FARS2: variants seen among roughly 807,000 people sequenced by gnomAD.
FARS2 encodes the protein phenylalanyl-tRNA synthetase 2, mitochondrial, also known as phenylalanine--tRNA ligase, mitochondrial.
In FARS2, 40 loss-of-function variants were observed where a neutral mutation model predicts 46.4. That is an observed-to-expected ratio of 0.86 (90% confidence interval 0.67 to 1.12). The LOEUF (loss-of-function observed/expected upper bound fraction) is 1.12. Ranked by LOEUF, FARS2 falls within the 50% of genes most tolerant of loss-of-function variation. The probability of loss-of-function intolerance (pLI) is 0.00; values close to 1 mark genes in which losing one functional copy is unlikely to be tolerated. For synonymous variants in FARS2, 234 were observed against 214.9 expected (o/e 1.09, Z -0.78); for missense variants, 513 against 567.9 (o/e 0.90, Z 0.98).
At chr6:5,629,779 C>T (rs1025942970) in intron 6 of FARS2, among the ~76,000 whole-genome samples, 1 of 151,906 alleles carries the variant, frequency 6.6e-6, no homozygotes, top group African/African-American at 2.4e-5. Flanking sequence ...TGAGTTAGTG[C>T]CGGGGGCCTT....
At chr6:5,588,385 G>T (rs149520253) in intron 5 of FARS2, among the ~76,000 whole-genome samples, 1 of 152,246 alleles carries the variant, frequency 6.6e-6, no homozygotes, top group East Asian at 1.9e-4. Flanking sequence ...AATCTGGAAG[G>T]TGTTAACATT....
chr6:5,456,730 C>CAAAAAAAAA (rs11393453), intron 4 of FARS2, among the ~76,000 whole-genome samples: 3,418 of 69,624 alleles, frequency 0.049, 306 homozygotes, highest in South Asian at 0.075. Context: ...GACTCCATCT[C>CAAAAAAAAA]AAAAAAAAAA....
At chr6:5,726,265 C>A (rs1006538118) in intron 6 of FARS2, among the ~76,000 whole-genome samples, 1 of 152,076 alleles carries the variant, frequency 6.6e-6, no homozygotes, top group African/African-American at 2.4e-5. Context: ...CCATGCTGCC[C>A]ACGCGTAGAC....
At chr6:5,401,721 C>T (rs953367815) in intron 2 of FARS2, among the ~76,000 whole-genome samples, 1 of 152,112 alleles carries the variant, frequency 6.6e-6, no homozygotes, top group Non-Finnish European at 1.5e-5. Flanking sequence ...TTAAGGACAG[C>T]ATTGATGGAT....
intron 6 of FARS2, among the ~76,000 whole-genome samples, chr6:5,708,864 A>G (rs1394966938): frequency 1.3e-5 from 2 of 152,196 alleles, no homozygotes; most frequent in East Asian, 3.9e-4. Flanking sequence ...GGACCTCACT[A>G]TGTTGCCCAG....
At chr6:5,460,955 C>T (rs1765206937) in intron 4 of FARS2, among the ~76,000 whole-genome samples, 1 of 151,906 alleles carries the variant, frequency 6.6e-6, no homozygotes, top group Admixed American at 6.6e-5. Context: ...ACCATACACA[C>T]CACACCAGGG....
intron 3 of FARS2, among the ~76,000 whole-genome samples, chr6:5,413,541 A>G (rs1244201096): frequency 2.6e-5 from 4 of 152,136 alleles, no homozygotes; most frequent in Non-Finnish European, 4.4e-5. Context: ...AGAAAGCTCA[A>G]TTTCCTGATT....
chr6:5,349,881 G>GT lies in FARS2; in HGVS notation c.-21-18655dup, dbSNP rs199779414. 8.0e-3 allele frequency among the ~76,000 whole-genome samples: 1,093 copies of GT among 135,784 alleles called. 6 individuals are homozygous for GT. The highest frequency in any genetic ancestry group is 0.047 in the Middle Eastern group (12 of 254). 89.1% of individuals were successfully genotyped at this position (135,784 alleles called of 152,430 possible). On this transcript the variant is annotated intron_variant, in intron 1 of 6. Transcript: ENST00000274680. ...TCTCATTTTTAGACTGGAGTTATAT[G>GT]TTTTTTTTTTTTTTGGAAGGATCAC...
At chr6:5,717,247 C>A (rs2150912222) in intron 6 of FARS2, among the ~76,000 whole-genome samples, 1 of 152,162 alleles carries the variant, frequency 6.6e-6, no homozygotes, top group East Asian at 1.9e-4. Flanking sequence ...TTTTCTAAGG[C>A]CTGCATCTGA....
chr6:5,406,310 T>A (rs995828388), intron 3 of FARS2, among the ~76,000 whole-genome samples: 1 of 152,202 alleles, frequency 6.6e-6, no homozygotes, highest in Non-Finnish European at 1.5e-5. Context: ...ACGAACATAC[T>A]CGCACAGTCT....
chr6:5,586,667 C>T (rs4960106), intron 5 of FARS2, among the ~76,000 whole-genome samples: 117,679 of 151,946 alleles, frequency 0.77, 45,728 homozygotes, highest in East Asian at 0.86. Flanking sequence ...TTCTTTCTTT[C>T]TTTTGTAGTA....
At chr6:5,377,583 C>G (rs1759464206) in intron 2 of FARS2, among the ~76,000 whole-genome samples, 1 of 152,086 alleles carries the variant, frequency 6.6e-6, no homozygotes, top group African/African-American at 2.4e-5. Flanking sequence ...AAATTTTATA[C>G]AAGAATGTGC....
chr6:5,351,597 G>A (rs1290779967), intron 1 of FARS2, among the ~76,000 whole-genome samples: 1 of 152,230 alleles, frequency 6.6e-6, no homozygotes, highest in Non-Finnish European at 1.5e-5. Context: ...CAGAAGTTCA[G>A]TGCATAAAAG....
intron 5 of FARS2, among the ~76,000 whole-genome samples, chr6:5,570,481 G>T (rs113836594): frequency 2.0e-5 from 3 of 152,174 alleles, no homozygotes; most frequent in African/African-American, 7.2e-5. Flanking sequence ...TTTGCATATT[G>T]TAAGGTAATT....
At chr6:5,737,949 CTTG>C (rs373192476) in intron 6 of FARS2, among the ~76,000 whole-genome samples, 15 of 152,162 alleles carry the variant, frequency 9.9e-5, no homozygotes, top group Admixed American at 7.2e-4. Context: ...TGTTATTATT[CTTG>C]TTGTTGTTGT....
At chr6:5,745,896 G>C (rs1194633242) in intron 6 of FARS2, among the ~76,000 whole-genome samples, 2 of 152,096 alleles carry the variant, frequency 1.3e-5, no homozygotes, top group Admixed American at 1.3e-4. Context: ...GTGACCCTGT[G>C]TGGTACAGAG....
At chr6:5,582,211 G>A (rs1385924738) in intron 5 of FARS2, among the ~76,000 whole-genome samples, 4 of 90,020 alleles carry the variant, frequency 4.4e-5, no homozygotes, top group South Asian at 5.2e-4. Flanking sequence ...TTTTCTAAGT[G>A]GTCACAGTAA....
At chr6:5,296,075 A>G (rs1057100649) in intron 1 of FARS2, among the ~76,000 whole-genome samples, 4 of 130,748 alleles carry the variant, frequency 3.1e-5, no homozygotes, top group African/African-American at 1.2e-4. Flanking sequence ...TCATTTTTTA[A>G]TTTTTATTTT....
chr6:5,564,418 C>CT (rs1246085852), intron 5 of FARS2, among the ~76,000 whole-genome samples: 7 of 152,060 alleles, frequency 4.6e-5, no homozygotes, highest in South Asian at 2.1e-4. Flanking sequence ...TTACCCATCC[C>CT]TTTTTTTTGT....
Sources: allele counts gnomAD v4.1 joint callset (sites outside exome capture counted in the v4.1 genomes callset), GRCh38; gene constraint gnomAD v4.1.1; transcripts MANE v1.5; gene names NCBI Gene and HGNC (gene_info 2026-07-23, HGNC 2026-07-21).